CUL1: variants seen among roughly 807,000 people sequenced by gnomAD.
CUL1 encodes the protein cullin 1.
CUL1 carries 24 observed loss-of-function variants against 118.0 expected under a neutral mutation model. That is an observed-to-expected ratio of 0.20 (90% CI 0.15 to 0.29). CUL1 has a LOEUF of 0.29. Ranked by LOEUF, CUL1 falls within the 10% of genes least tolerant of loss-of-function variation. CUL1 has a pLI of 1.00. For synonymous variants in CUL1, 332 were observed against 340.4 expected, an observed-to-expected ratio of 0.98 and a Z score of 0.27; for missense variants, 361 against 933.8, an observed-to-expected ratio of 0.39 and a Z score of 7.99.
At chr7:148,755,134 G>A (rs758633625) in intron 3 of CUL1, among the ~76,000 whole-genome samples, 16 of 152,148 alleles carry the variant, frequency 1.1e-4, no homozygotes, top group Admixed American at 9.2e-4. Flanking sequence ...TCCTTCTAGC[G>A]TAGGTCCCTC....
chr7:148,778,986 A>G (rs1012566360), intron 9 of CUL1, among the ~76,000 whole-genome samples: 1 of 152,246 alleles, frequency 6.6e-6, no homozygotes, highest in Non-Finnish European at 1.5e-5. Flanking sequence ...TTAAAGTATC[A>G]CTTAGCACCA....
At chr7:148,737,075 A>G (rs531549821) in intron 2 of CUL1, among the ~76,000 whole-genome samples, 77 of 152,354 alleles carry the variant, frequency 5.1e-4, no homozygotes, top group African/African-American at 1.8e-3. Flanking sequence ...AGTTCTTGCT[A>G]TCTTTTACTA....
At chr7:148,725,217 G>GCACACACACACACA (rs1204605614) in intron 1 of CUL1, among the ~76,000 whole-genome samples, 9 of 75,534 alleles carry the variant, frequency 1.2e-4, no homozygotes, top group African/African-American at 3.0e-4. Context: ...ACACACGCGC[G>GCACACACACACACA]CGCTCACACA....
chr7:148,711,788 A>G (rs1352100386), intron 1 of CUL1, among the ~76,000 whole-genome samples: 1 of 152,236 alleles, frequency 6.6e-6, no homozygotes, highest in East Asian at 1.9e-4. Flanking sequence ...AGGCCCCACA[A>G]TCAACTGCAG....
Position 148,726,013 on chromosome 7 carries a change from G to C in CUL1, c.-161-3949G>C, listed in dbSNP as rs147445654. ...TTTTGCTAATTTTTCAGCATATTTG[G>C]AATATAAACTGAGGTGTGATGTGGC... On this transcript the variant is annotated intron_variant, in intron 1 of 21. Coordinates refer to ENST00000325222, the MANE Select transcript of CUL1 (RefSeq NM_003592.3). Among the ~76,000 whole-genome samples the C allele has an allele frequency of 5.7e-4, 87 of 152,308 alleles. 1 individual carries two copies. Among genetic ancestry groups the C allele is most frequent in the African/African-American group, 2.0e-3 (84 of 41,566 alleles).
intron 9 of CUL1, 56 bp downstream of exon 9, chr7:148,767,805 C>G: frequency 1.3e-6 from 2 of 1,560,076 alleles, no homozygotes; most frequent in Non-Finnish European, 1.8e-6. Flanking sequence ...ATGCGAACTG[C>G]AAGCATATGT....
rs556408025 is a variant in CUL1, at chr7:148,757,471, T to A, written c.483+321T>A. Among the ~76,000 whole-genome samples, 3 of 152,296 alleles carry A rather than the reference T, an allele frequency of 2.0e-5. No homozygotes were observed. In the South Asian group the frequency reaches 6.2e-4, roughly 32 times the overall value. On this transcript the variant is annotated intron_variant, in intron 4 of 21. Transcript: ENST00000325222. ...TCGCACTGAAAGTCCTGAGTCCTGG[T>A]AGTCCCAGGCAAATCAGGTGCCATA...
chr7:148,788,902 C>A (rs1800911279), intron 14 of CUL1, among the ~76,000 whole-genome samples: 1 of 152,200 alleles, frequency 6.6e-6, no homozygotes, highest in African/African-American at 2.4e-5. Context: ...AAGGTCACCA[C>A]CTGTTGGGAT....
intron 14 of CUL1, 37 bp downstream of exon 14, chr7:148,788,711 C>A (rs750473819): frequency 5.3e-6 from 7 of 1,327,564 alleles, no homozygotes; most frequent in Non-Finnish European, 7.5e-6. Flanking sequence ...TGTTTACAGG[C>A]AGAGTTCTCT....
Position 148,790,487 on chromosome 7 carries a change from A to G in CUL1, c.1806+46A>G, listed in dbSNP as rs200351655. The G allele has an allele frequency of 3.4e-5, 51 of 1,519,290 alleles. No individual in the cohort carries two copies. The African/African-American group carries it at 4.4e-4, about 13-fold the overall frequency. The allele number at this position is 1,519,290 out of a possible 1,614,324, so 94.1% of individuals were successfully genotyped here. A position where few individuals can be genotyped will look rare whatever the true frequency, so the allele number is the denominator to read the frequency against. On this transcript the variant is annotated intron_variant, in intron 16 of 21. Transcript: ENST00000325222. ...TAAAATTTTTCTATTCTAAATGAAC[A>G]TAAGGCAAATTATGGAAATCATTAT...
rs564313998 is a variant in CUL1, at chr7:148,791,889, C to G, written c.1807-837C>G. Among the ~76,000 whole-genome samples the G allele has an allele frequency of 2.0e-5, 3 of 152,314 alleles. No homozygotes were observed. In the South Asian group the frequency reaches 6.2e-4, roughly 32 times the overall value. On this transcript the variant is annotated intron_variant, in intron 16 of 21. Coordinates refer to ENST00000325222, the MANE Select transcript of CUL1 (RefSeq NM_003592.3). Reference sequence around the variant, plus strand: ...TCAGGAACCAACACGTGCTACCTGTCTTTTAGAAGATACTTTAGGGCCGGG... The same window carrying G: ...TCAGGAACCAACACGTGCTACCTGTGTTTTAGAAGATACTTTAGGGCCGGG...
At chr7:148,760,914 T>A (rs1799806395) in intron 7 of CUL1, among the ~76,000 whole-genome samples, 1 of 152,236 alleles carries the variant, frequency 6.6e-6, no homozygotes, top group Admixed American at 6.5e-5. Context: ...AGAGGAAAAG[T>A]TCTTCTGAAA....
intron 9 of CUL1, among the ~76,000 whole-genome samples, chr7:148,782,340 C>G (rs1199605143): frequency 6.6e-6 from 1 of 152,178 alleles, no homozygotes; most frequent in African/African-American, 2.4e-5. Context: ...TAAGACCATC[C>G]AGGCAAAGTG....
intron 9 of CUL1, 100 bp downstream of exon 9, chr7:148,767,849 A>G: frequency 8.3e-7 from 1 of 1,198,222 alleles, no homozygotes; most frequent in East Asian, 2.4e-5. Flanking sequence ...AAATGGTACC[A>G]TTTTCATTAG....
chr7:148,761,860 AGGGGGAT>A (rs921895729), intron 7 of CUL1, among the ~76,000 whole-genome samples: 1 of 152,204 alleles, frequency 6.6e-6, no homozygotes, highest in Non-Finnish European at 1.5e-5. Context: ...TGGGGGAAGA[AGGGGGAT>A]GGTTTTGGGA....
At chr7:148,753,335 C>T (rs1799553020) in intron 2 of CUL1, among the ~76,000 whole-genome samples, 1 of 152,114 alleles carries the variant, frequency 6.6e-6, no homozygotes, top group South Asian at 2.1e-4. Context: ...GGTTTTCTGC[C>T]CTGCCTGGCC....
intron 1 of CUL1, 91 bp from the exon 2 acceptor site, chr7:148,729,871 G>A: frequency 2.5e-6 from 1 of 397,402 alleles, no homozygotes; most frequent in Non-Finnish European, 4.5e-6. Context: ...CTCTAGAGTG[G>A]GCCCTGCAGA....
rs191882042 is a variant in CUL1, at chr7:148,718,029, A to G, written c.-161-11933A>G. On this transcript the variant is annotated intron_variant, in intron 1 of 21. Coordinates refer to ENST00000325222, the MANE Select transcript of CUL1 (RefSeq NM_003592.3). Reference sequence around the variant, plus strand: ...CTCTATTGGTAATGTCTTACATAGCATTTCTTAAAGCTAACTTTCTGGTAG... The same window carrying G: ...CTCTATTGGTAATGTCTTACATAGCGTTTCTTAAAGCTAACTTTCTGGTAG... Among the ~76,000 whole-genome samples the G allele has an allele frequency of 2.8e-4, 42 of 152,282 alleles. 1 individual carries two copies. Among genetic ancestry groups the G allele is most frequent in the Admixed American group, 2.5e-3 (39 of 15,296 alleles).
At chr7:148,715,279 A>G (rs243532) in intron 1 of CUL1, among the ~76,000 whole-genome samples, 47,800 of 151,960 alleles carry the variant, frequency 0.31, 8,246 homozygotes, top group South Asian at 0.48. Flanking sequence ...AACAGAGTCC[A>G]CCATTGTCTT....
Sources: gnomAD v4.1 joint callset for allele counts (sites outside exome capture counted in the v4.1 genomes callset) on GRCh38, gnomAD v4.1.1 for gene constraint, MANE v1.5 for transcripts, NCBI Gene and HGNC (gene_info 2026-07-23, HGNC 2026-07-21) for gene names.